PSEN1: variants seen among roughly 807,000 people sequenced by gnomAD.
PSEN1 encodes presenilin 1.
PSEN1 carries 15 observed loss-of-function variants against 53.5 expected under a neutral mutation model. That is an observed-to-expected ratio of 0.28 (90% CI 0.19 to 0.43). PSEN1 has a LOEUF of 0.43. Among genes scored for constraint, PSEN1 ranks in the 20% least tolerant of loss-of-function variants. The pLI, the probability that PSEN1 is intolerant of heterozygous loss-of-function variation, is 1.00. For missense variants in PSEN1, 387 were observed against 571.2 expected, an observed-to-expected ratio of 0.68 and a Z score of 3.29; for synonymous variants, 208 against 209.8, an observed-to-expected ratio of 0.99 and a Z score of 0.08.
chr14:73,163,543 A>T (rs1192006575), intron 3 of PSEN1, among the ~76,000 whole-genome samples: 1 of 152,248 alleles, frequency 6.6e-6, no homozygotes. Flanking sequence ...TCTTAGAGAA[A>T]ACTTATATTC....
At chr14:73,204,272 A>G (rs1899356970) in intron 8 of PSEN1, among the ~76,000 whole-genome samples, 1 of 148,844 alleles carries the variant, frequency 6.7e-6, no homozygotes, top group Non-Finnish European at 1.5e-5. Flanking sequence ...TGCTGGGATT[A>G]CAGGTGTGAG....
At chr14:73,209,312 G>C (rs1899585508) in intron 9 of PSEN1, among the ~76,000 whole-genome samples, 1 of 152,230 alleles carries the variant, frequency 6.6e-6, no homozygotes, top group Non-Finnish European at 1.5e-5. Flanking sequence ...AGCCACTCCA[G>C]ATGGGCCGCT....
At chr14:73,169,546 ATTGTGTTCCT>A (rs1326154007) in intron 3 of PSEN1, 8 of 152,114 alleles carry the variant, frequency 5.3e-5, no homozygotes. Context: ...ATTGTGTTCC[ATTGTGTTCCT>A]TATCTCTACC....
At chr14:73,145,043 C>T (rs1897031626) in intron 1 of PSEN1, among the ~76,000 whole-genome samples, 1 of 152,136 alleles carries the variant, frequency 6.6e-6, no homozygotes, top group African/African-American at 2.4e-5. Context: ...CAGGCACGAG[C>T]TACCATGCCC....
chr14:73,201,871 G>A (rs954065247), intron 8 of PSEN1, among the ~76,000 whole-genome samples: 7 of 151,272 alleles, frequency 4.6e-5, no homozygotes, highest in African/African-American at 9.7e-5. Flanking sequence ...CTCAGCCTCC[G>A]GAGTAGCTGG....
intron 7 of PSEN1, 45 bp from the exon 8 acceptor site, chr14:73,197,986 G>A: frequency 2.8e-6 from 3 of 1,059,890 alleles, no homozygotes; most frequent in Middle Eastern, 4.0e-4. Flanking sequence ...TACAAGTTTA[G>A]CCCATACATT....
At chr14:73,156,813 C>CCATG (rs1897369996) in intron 3 of PSEN1, among the ~76,000 whole-genome samples, 1 of 152,024 alleles carries the variant, frequency 6.6e-6, no homozygotes, top group South Asian at 2.1e-4. Context: ...CAGGCGTCCG[C>CCATG]CACCATGCCC....
intron 6 of PSEN1, among the ~76,000 whole-genome samples, chr14:73,191,466 C>T (rs1196062395): frequency 6.6e-6 from 1 of 152,076 alleles, no homozygotes; most frequent in Non-Finnish European, 1.5e-5. Flanking sequence ...TTTATTTAAG[C>T]ATAAACTTTG....
intron 1 of PSEN1, among the ~76,000 whole-genome samples, chr14:73,140,185 TTTCTTTTTTTGCTA>T (rs1187595580): frequency 6.6e-6 from 1 of 151,148 alleles, no homozygotes; most frequent in Non-Finnish European, 1.5e-5. Context: ...CTAAAAGGTT[TTTCTTTTTTTGCTA>T]TTCTTTTTTT....
chr14:73,153,082 A>G (rs972238375), intron 3 of PSEN1, among the ~76,000 whole-genome samples: 2 of 152,206 alleles, frequency 1.3e-5, no homozygotes, highest in African/African-American at 4.8e-5. Context: ...CAAACCTATG[A>G]GCTATTTAAA....
At chr14:73,211,989 G>A in intron 10 of PSEN1, 47 bp downstream of exon 10, 1 of 1,473,922 alleles carries the variant, frequency 6.8e-7, no homozygotes, top group Non-Finnish European at 9.3e-7. Flanking sequence ...CCTTTAGGTA[G>A]CTACATTATC....
chr14:73,217,309 T>C, intron 11 of PSEN1, 65 bp downstream of exon 11: 1 of 1,585,054 alleles, frequency 6.3e-7, no homozygotes, highest in Admixed American at 1.7e-5. Flanking sequence ...ACACAGTCCC[T>C]TTAAGGCAGT....
intron 5 of PSEN1, chr14:73,173,931 C>T (rs1353952691): frequency 3.2e-6 from 2 of 634,638 alleles, no homozygotes; most frequent in Admixed American, 5.1e-5. Flanking sequence ...AGGAGGATCA[C>T]TTGGGCCCAG....
At chr14:73,217,633 C>G (rs996837908) in intron 11 of PSEN1, among the ~76,000 whole-genome samples, 2 of 152,088 alleles carry the variant, frequency 1.3e-5, no homozygotes, top group African/African-American at 4.8e-5. Context: ...GACTTAATCA[C>G]TGAGAGTTTG....
At chr14:73,152,219 G>A (rs1324390168) in intron 3 of PSEN1, among the ~76,000 whole-genome samples, 2 of 150,920 alleles carry the variant, frequency 1.3e-5, no homozygotes, top group East Asian at 3.9e-4. Context: ...CAAAAGAATA[G>A]TATGCTACCT....
chr14:73,179,476 G>C (rs920293910), intron 5 of PSEN1, among the ~76,000 whole-genome samples: 1 of 152,064 alleles, frequency 6.6e-6, no homozygotes, highest in Non-Finnish European at 1.5e-5. Flanking sequence ...AATTAGCCAG[G>C]CATGGTGGTG....
chr14:73,223,071 A>C lies in PSEN1; in HGVS notation c.*3782A>C, dbSNP rs947114883. 1 of 152,260 alleles carries C rather than the reference A, an allele frequency of 6.6e-6. No homozygotes were observed. The highest frequency in any genetic ancestry group is 2.4e-5 in the African/African-American group (1 of 41,464). The allele number at this position is 152,260 out of a possible 1,614,324, so 9.4% of individuals were successfully genotyped here. ...TTAAAAACAGAGGTTTCAGCTCTTC[A>C]TAGTGCGTTGTGAAATGGCTGGCCA... On this transcript the variant is annotated 3_prime_UTR_variant, in exon 12 of 12. Transcript: ENST00000324501.
chr14:73,178,090 G>A (rs1304525060), intron 5 of PSEN1, among the ~76,000 whole-genome samples: 3 of 145,258 alleles, frequency 2.1e-5, no homozygotes, highest in Non-Finnish European at 4.5e-5. Flanking sequence ...GGCTGATTTT[G>A]TTAATTTTTA....
chr14:73,140,150 T>C (rs1467601235), intron 1 of PSEN1, among the ~76,000 whole-genome samples: 3 of 151,568 alleles, frequency 2.0e-5, no homozygotes, highest in Admixed American at 6.6e-5. Context: ...CATAGTCTCA[T>C]ATCCAGAGTT....
Sources: gnomAD v4.1 joint callset for allele counts (sites outside exome capture counted in the v4.1 genomes callset) on GRCh38, gnomAD v4.1.1 for gene constraint, MANE v1.5 for transcripts, NCBI Gene and HGNC (gene_info 2026-07-23, HGNC 2026-07-21) for gene names.